Variants in FAAH2 observed in about 807,000 individuals in gnomAD.
The protein encoded by FAAH2 is fatty acid amide hydrolase 2, also known as fatty-acid amide hydrolase 2.
Under a neutral mutation model 36.9 loss-of-function variants are expected in FAAH2, and 60 were observed. That is an observed-to-expected ratio of 1.63 (90% CI 1.32 to 2.02). FAAH2 has a LOEUF of 2.02. FAAH2 is among the 30% of genes most tolerant of loss of function. The pLI, the probability that FAAH2 is intolerant of heterozygous loss-of-function variation, is 0.00. For missense variants in FAAH2, 689 were observed against 397.5 expected (o/e 1.73, Z -6.23); for synonymous variants, 214 against 143.8 (o/e 1.49, Z -3.49).
At chrX:57,395,629 G>A (rs1156652176) in intron 7 of FAAH2, among the ~76,000 whole-genome samples, 3 of 111,630 alleles carry the variant, frequency 2.7e-5, no homozygotes, top group Non-Finnish European at 5.6e-5. Flanking sequence ...AGATGATCAT[G>A]TAGTGTTTGT....
chrX:57,486,621 C>G (rs901172037), intron 10 of FAAH2, among the ~76,000 whole-genome samples: 1 of 111,597 alleles, frequency 9.0e-6, no homozygotes, highest in African/African-American at 3.3e-5. Flanking sequence ...TCTGCTGGTA[C>G]TCCCAATGTT....
chrX:57,240,831 T>G, the FAAH2 span, among the ~76,000 whole-genome samples: 95 of 112,256 alleles, frequency 8.5e-4, no homozygotes, highest in African/African-American at 2.7e-3. Context: ...TCTGAGTCTG[T>G]GCTACAAGCA....
chrX:57,440,531 G>T (rs1190815718), intron 8 of FAAH2, among the ~76,000 whole-genome samples: 1 of 111,221 alleles, frequency 9.0e-6, no homozygotes, highest in South Asian at 3.8e-4. Flanking sequence ...TATATATACA[G>T]TCATGTCATC....
At chrX:57,279,803 T>C in the FAAH2 span, among the ~76,000 whole-genome samples, 2 of 111,712 alleles carry the variant, frequency 1.8e-5, no homozygotes, top group Non-Finnish European at 3.8e-5. Flanking sequence ...TCCTTCATGT[T>C]AAAAGTTCTC....
chrX:57,132,901 C>G, the FAAH2 span, among the ~76,000 whole-genome samples: 1 of 112,386 alleles, frequency 8.9e-6, no homozygotes, highest in African/African-American at 3.2e-5. Context: ...CTGCCTTGTT[C>G]ACTCAGCTCC....
chrX:57,351,805 G>T (rs1412792884), intron 5 of FAAH2, among the ~76,000 whole-genome samples: 1 of 106,066 alleles, frequency 9.4e-6, no homozygotes, highest in Non-Finnish European at 2.0e-5. Flanking sequence ...GACAACGAAT[G>T]AGTAATGAGC....
the FAAH2 span, among the ~76,000 whole-genome samples, chrX:57,246,015 T>A: frequency 9.0e-6 from 1 of 110,504 alleles, no homozygotes; most frequent in South Asian, 3.8e-4. Context: ...AAGAATCAAA[T>A]AGGTGCAATA....
At chrX:57,290,399 C>A in intron 1 of FAAH2, 1 of 414,948 alleles carries the variant, frequency 2.4e-6, no homozygotes, top group Non-Finnish European at 3.0e-6. Context: ...TCTGTGCATG[C>A]ATTTAACAAA....
intron 10 of FAAH2, among the ~76,000 whole-genome samples, chrX:57,476,411 T>A (rs1486318113): frequency 9.0e-6 from 1 of 111,368 alleles, no homozygotes; most frequent in African/African-American, 3.3e-5. Flanking sequence ...CATGAAAGGG[T>A]GTTGAATTTT....
At chrX:57,427,604 C>T (rs1371827708) in intron 7 of FAAH2, among the ~76,000 whole-genome samples, 1 of 111,454 alleles carries the variant, frequency 9.0e-6, no homozygotes, top group African/African-American at 3.3e-5. Context: ...GTTCAACATA[C>T]ACAAATCAAT....
At chrX:57,133,602 C>T in the FAAH2 span, among the ~76,000 whole-genome samples, 1 of 111,747 alleles carries the variant, frequency 8.9e-6, no homozygotes, top group Non-Finnish European at 1.9e-5. Flanking sequence ...CTAATCCTCA[C>T]GTTTTTGTTT....
chrX:57,472,607 T>A (rs1202597904), intron 10 of FAAH2, among the ~76,000 whole-genome samples: 1 of 111,793 alleles, frequency 8.9e-6, no homozygotes, highest in African/African-American at 3.2e-5. Context: ...CTGTTCCTGT[T>A]CTTTTGTTTG....
chrX:57,228,247 C>T, the FAAH2 span, among the ~76,000 whole-genome samples: 14 of 111,481 alleles, frequency 1.3e-4, no homozygotes, highest in African/African-American at 4.6e-4. Flanking sequence ...TCTGGCCACC[C>T]TCCTGATGGA....
At chrX:57,201,663 C>G in the FAAH2 span, among the ~76,000 whole-genome samples, 1 of 111,078 alleles carries the variant, frequency 9.0e-6, no homozygotes, top group South Asian at 3.8e-4. Context: ...TTATAACCTT[C>G]TTGGATATTG....
At chrX:57,316,775 A>T (rs1032571495) in intron 3 of FAAH2, among the ~76,000 whole-genome samples, 2 of 111,329 alleles carry the variant, frequency 1.8e-5, no homozygotes, top group Non-Finnish European at 3.8e-5. Flanking sequence ...AAAAGTTGAG[A>T]TGAAAACCTA....
chrX:57,198,902 G>T, the FAAH2 span, among the ~76,000 whole-genome samples: 1,110 of 112,151 alleles, frequency 9.9e-3, 16 homozygotes, highest in Non-Finnish European at 0.015. Context: ...TTTGTATTTG[G>T]AGGCAGACGT....
At chrX:57,236,516 T>A in the FAAH2 span, among the ~76,000 whole-genome samples, 59 of 112,372 alleles carry the variant, frequency 5.3e-4, no homozygotes, top group Non-Finnish European at 8.1e-4. Context: ...TTTTACTTTC[T>A]TCTTGATAGT....
At chrX:57,486,491 G>A (rs1042706744) in intron 10 of FAAH2, among the ~76,000 whole-genome samples, 4 of 111,661 alleles carry the variant, frequency 3.6e-5, no homozygotes, top group African/African-American at 1.3e-4. Flanking sequence ...CCTGTTGGCT[G>A]TTTTCTATCA....
intron 10 of FAAH2, among the ~76,000 whole-genome samples, chrX:57,488,460 C>T (rs1039243999): frequency 2.5e-4 from 28 of 111,292 alleles, no homozygotes; most frequent in African/African-American, 7.5e-4. Flanking sequence ...ACACTTTCTG[C>T]ATTCAGATTT....
Sources: gnomAD v4.1 joint callset for allele counts (sites outside exome capture counted in the v4.1 genomes callset) on GRCh38, gnomAD v4.1.1 for gene constraint, MANE v1.5 for transcripts, NCBI Gene and HGNC (gene_info 2026-07-23, HGNC 2026-07-21) for gene names.